Variants in TNK2 observed in about 807,000 individuals in gnomAD.
TNK2 encodes the protein tyrosine kinase non receptor 2.
In TNK2, 83 loss-of-function variants were observed where a neutral mutation model predicts 101.8. That is an observed-to-expected ratio of 0.82 (90% CI 0.68 to 0.98). TNK2 has a LOEUF of 0.98. Among genes scored for constraint, TNK2 ranks in the 50% least tolerant of loss-of-function variants. The pLI is 0.00. For missense variants in TNK2, 1,665 were observed against 1,483.2 expected (o/e 1.12, Z -2.01); for synonymous variants, 804 against 633.0 (o/e 1.27, Z -4.06).
In TNK2 at chr3:195,867,976, G is replaced by T. The variant is rs751022637; in HGVS notation, c.2322C>A (p.Ala774=). ...PTRPHVQLSP[A]PPGEEETSQW... is the part of the protein sequence containing the mutation. ...GGCTGGTCTCCTCCTCGCCCGGGGG[G>T]GCTGGAGACAGCTGGACGTGTGGGC... Residue 774 remains alanine, a synonymous_variant, in exon 13 of 16, where the codon GCC becomes GCA. Coordinates refer to ENST00000672887, the MANE Select transcript of TNK2 (RefSeq NM_001382273.1). 4.8e-5 allele frequency: 75 copies of T among 1,550,440 alleles called. 3 individuals carry two copies. The highest frequency in any genetic ancestry group is 4.6e-4 in the East Asian group (20 of 43,628).
chr3:195,868,300 G>A lies in TNK2; in HGVS notation c.1998C>T (p.Asn666=), dbSNP rs1330905146. The change falls in exon 13 of 16, where the codon AAC becomes AAT. Residue 666 remains asparagine (N), a synonymous_variant. Coordinates refer to ENST00000672887, the MANE Select transcript of TNK2 (RefSeq NM_001382273.1). ...GGACCCCCGCGCCCACGAGGGTGCT[G>A]TTGATGGAGCAGATCTCAAAGTCAT... ...DEDDFEICSI[N]STLVGAGVPA... The A allele has an allele frequency of 1.9e-6, 3 of 1,603,784 alleles. No homozygotes were observed. The highest frequency in any genetic ancestry group is 2.7e-5 in the African/African-American group (2 of 74,970).
chr3:195,864,047 GGC>G lies in TNK2; in HGVS notation c.*132_*133del. The G allele has an allele frequency of 8.2e-7, 1 of 1,225,928 alleles. No homozygotes were observed. Among genetic ancestry groups the G allele is most frequent in the Non-Finnish European group, 1.2e-6 (1 of 852,242 alleles). 75.9% of individuals were successfully genotyped at this position (1,225,928 alleles called of 1,614,324 possible). A position where few individuals can be genotyped will look rare whatever the true frequency, so the allele number is the denominator to read the frequency against. ...AGGGCTCCCAGCCTCCCGCAGCCTT[GGC>G]CTTGCTCCATCCCCGGGAGCAGCAG... On this transcript the variant is annotated 3_prime_UTR_variant, in exon 16 of 16. Coordinates refer to ENST00000672887, the MANE Select transcript of TNK2 (RefSeq NM_001382273.1).
intron 1 of TNK2, chr3:195,895,618 C>G: frequency 7.8e-7 from 1 of 1,286,066 alleles, no homozygotes; most frequent in Non-Finnish European, 9.8e-7. Context: ...CGGGCTGACC[C>G]CCACCGAGAG....
rs915155074 is a variant in TNK2 at position 195,869,602 on chromosome 3, G to A, written c.1544-61C>T. 5 of 1,500,620 alleles carry A rather than the reference G, an allele frequency of 3.3e-6. No homozygotes were observed. In the African/African-American group the frequency reaches 5.6e-5, roughly 17 times the overall value. The allele number at this position is 1,500,620 out of a possible 1,614,324, so 93.0% of individuals were successfully genotyped here. ...CGGAGCAGGACAGAGGACAAAGGAG[G>A]GAGACGGCCGGACGAGAGGGCAGAG... On this transcript the variant is annotated intron_variant, in intron 11 of 15. Coordinates refer to ENST00000672887, the MANE Select transcript of TNK2 (RefSeq NM_001382273.1).
Position 195,885,559 on chromosome 3 carries a change from GATA to G in TNK2, c.235-529_235-527del. The G allele has an allele frequency of 7.7e-7, 1 of 1,290,756 alleles. No homozygotes were observed. The highest frequency in any genetic ancestry group is 1.0e-6 in the Non-Finnish European group (1 of 989,530). 80.0% of individuals were successfully genotyped at this position (1,290,756 alleles called of 1,614,324 possible). On this transcript the variant is annotated intron_variant, in intron 3 of 15. Coordinates refer to ENST00000672887, the MANE Select transcript of TNK2 (RefSeq NM_001382273.1). This position sits in a 1 kb window ranked among gnomAD's most constrained non-coding sequence, Gnocchi z 4.7. ...GCCCTTCATCCTGCCCAGGGGAGAG[GATA>G]ATTTTAGTCTGAGGTTGAACCGTGA...
intron 10 of TNK2, among the ~76,000 whole-genome samples, chr3:195,871,710 A>G (rs1293747682): frequency 6.6e-6 from 1 of 152,176 alleles, no homozygotes; most frequent in Non-Finnish European, 1.5e-5. Context: ...TCCTGACCCT[A>G]CTTTCATCTA....
intron 9 of TNK2, among the ~76,000 whole-genome samples, chr3:195,876,976 A>G (rs1326590810): frequency 6.6e-6 from 1 of 152,212 alleles, no homozygotes; most frequent in Non-Finnish European, 1.5e-5. Context: ...CAGCAGCACA[A>G]GAGGGGCCAG....
intron 1 of TNK2, among the ~76,000 whole-genome samples, chr3:195,892,199 C>T (rs546158477): frequency 5.3e-5 from 8 of 152,326 alleles, no homozygotes; most frequent in South Asian, 2.1e-4. Flanking sequence ...CACCTGTGTC[C>T]GTCACTACTC....
chr3:195,878,941 G>T lies in TNK2; in HGVS notation c.1014+108C>A. The T allele has an allele frequency of 6.6e-7, 1 of 1,522,174 alleles. No individual in the cohort carries two copies. The highest frequency in any genetic ancestry group is 8.9e-7 in the Non-Finnish European group (1 of 1,126,906). The allele number at this position is 1,522,174 out of a possible 1,614,324, so 94.3% of individuals were successfully genotyped here. ...GGAAGTGGGGGGAGGCACGGGGCGTGGGAGGAGGGAGTCCATTGGTGAGAG... is the reference window on the plus strand; with the variant it reads ...GGAAGTGGGGGGAGGCACGGGGCGTTGGAGGAGGGAGTCCATTGGTGAGAG... On this transcript the variant is annotated intron_variant, in intron 7 of 15. Coordinates refer to ENST00000672887, the MANE Select transcript of TNK2 (RefSeq NM_001382273.1). This position sits in a 1 kb window ranked among gnomAD's most constrained non-coding sequence, Gnocchi z 4.7.
chr3:195,877,072 C>T (rs916967866), intron 9 of TNK2, among the ~76,000 whole-genome samples: 3 of 151,712 alleles, frequency 2.0e-5, no homozygotes, highest in Admixed American at 6.6e-5. Context: ...TTCCAGGGGA[C>T]CCCCCCACCC....
intron 9 of TNK2, among the ~76,000 whole-genome samples, chr3:195,873,753 CG>C (rs1470010125): frequency 1.3e-5 from 2 of 151,764 alleles, no homozygotes; most frequent in Admixed American, 6.6e-5. Flanking sequence ...CTGGCTGGAG[CG>C]GGGTGACTCC....
intron 9 of TNK2, chr3:195,876,742 C>T: frequency 2.3e-6 from 1 of 429,044 alleles, no homozygotes; most frequent in South Asian, 1.6e-5. Flanking sequence ...CCAACGGGGG[C>T]CTTCGACGGA....
chr3:195,878,775 C>A lies in TNK2; in HGVS notation c.1015-183G>T, dbSNP rs1227685535. On this transcript the variant is annotated intron_variant, in intron 7 of 15. Coordinates refer to ENST00000672887, the MANE Select transcript of TNK2 (RefSeq NM_001382273.1). This position sits in a 1 kb window ranked among gnomAD's most constrained non-coding sequence, Gnocchi z 4.7. ...CAGTCCCTTCTTCCCAGGTCTGGAG[C>A]CTCGGAACAAGTGGATGTGGCAAGG... 6.6e-6 allele frequency among the ~76,000 whole-genome samples: 1 copy of A among 152,214 alleles called. No individual in the cohort carries two copies. The highest frequency in any genetic ancestry group is 1.5e-5 in the Non-Finnish European group (1 of 68,036).
intron 2 of TNK2, among the ~76,000 whole-genome samples, chr3:195,887,891 C>T (rs1280227036): frequency 8.1e-6 from 1 of 124,170 alleles, no homozygotes; most frequent in Non-Finnish European, 1.5e-5. Flanking sequence ...TGCGTACGCA[C>T]GTGCATGCGT....
intron 9 of TNK2, among the ~76,000 whole-genome samples, chr3:195,872,986 G>C (rs1216487190): frequency 6.6e-6 from 1 of 152,132 alleles, no homozygotes; most frequent in Non-Finnish European, 1.5e-5. Context: ...CACTAGGCTG[G>C]GGGCCAGGCC....
Position 195,872,450 on chromosome 3 carries a change from C to G in TNK2, c.1277G>C (p.Arg426Pro). The G allele has an allele frequency of 6.2e-7, 1 of 1,603,004 alleles. No individual in the cohort carries two copies. Among genetic ancestry groups the G allele is most frequent in the Non-Finnish European group, 8.5e-7 (1 of 1,173,830 alleles). Residue 426 changes from arginine (R) to proline (P), a missense_variant, in exon 10 of 16, where the codon CGT becomes CCT. Around this residue, in one of 3 missense-constraint regions of TNK2, gnomAD observed 1,136 missense variants for 894.9 expected, o/e 1.27. Transcript: ENST00000672887. The stretch of plus-strand genomic sequence containing the variant: ...ACACAGCGTCCGTGTGTTCTGGCCA[C>G]GCCACCAGTAGTTCTCGGCCCTGCG... Reference protein sequence around the residue: ...IEGRAENYWWRGQNTRTLCVG... With the variant: ...IEGRAENYWWPGQNTRTLCVG...
chr3:195,873,874 T>C (rs1276663598), intron 9 of TNK2, among the ~76,000 whole-genome samples: 1 of 152,024 alleles, frequency 6.6e-6, no homozygotes, highest in Admixed American at 6.5e-5. Context: ...CTGCCCAGCC[T>C]CCTCATACAC....
chr3:195,895,388 T>G (rs749030944), intron 1 of TNK2: 11 of 1,545,970 alleles, frequency 7.1e-6, no homozygotes, highest in Non-Finnish European at 9.6e-6. Context: ...GTCACTGCCC[T>G]GCGTCCTGGG....
In TNK2 at chr3:195,888,855, C is replaced by T. The variant is rs992390235; in HGVS notation, c.-18-249G>A. On this transcript the variant is annotated intron_variant, in intron 1 of 15. Coordinates refer to ENST00000672887, the MANE Select transcript of TNK2 (RefSeq NM_001382273.1). This position sits in a 1 kb window ranked among gnomAD's most constrained non-coding sequence, Gnocchi z 5.3. ...GAGTCAGGAGTCAGGGTCTTGCTCC[C>T]GAAATGTGATCTGTGACTGAGTGAC... Among the ~76,000 whole-genome samples the T allele has an allele frequency of 6.6e-6, 1 of 152,066 alleles. No homozygotes were observed. The highest frequency in any genetic ancestry group is 1.9e-4 in the East Asian group (1 of 5,186).
Sources: allele counts gnomAD v4.1 joint callset (sites outside exome capture counted in the v4.1 genomes callset), GRCh38; gene constraint gnomAD v4.1.1; regional missense constraint gnomAD v4.1.1; non-coding constraint Gnocchi (gnomAD v3.1); transcripts MANE v1.5; gene names NCBI Gene and HGNC (gene_info 2026-07-23, HGNC 2026-07-21).